LPIN1: variants seen among roughly 807,000 people sequenced by gnomAD.
LPIN1 encodes phosphatidate phosphatase LPIN1.
A neutral mutation model predicts 107.5 loss-of-function variants in LPIN1; 71 were observed. The ratio of observed to expected loss-of-function variants is 0.66; its 90% CI spans 0.55 to 0.80. The LOEUF is 0.80. LPIN1 is among the 30% of genes least tolerant of loss of function. The pLI is 0.00. For synonymous variants in LPIN1, 445 were observed against 452.6 expected (o/e 0.98, Z 0.21); for missense variants, 1,043 against 1,160.6 (o/e 0.90, Z 1.47).
chr2:11,687,945 C>T (rs1662090262), intron 1 of LPIN1, among the ~76,000 whole-genome samples: 1 of 152,380 alleles, frequency 6.6e-6, no homozygotes, highest in South Asian at 2.1e-4. Flanking sequence ...CTTGACTCAT[C>T]ACGCCCTCCG....
At chr2:11,751,653 C>A (rs1667806463) in intron 1 of LPIN1, among the ~76,000 whole-genome samples, 1 of 152,162 alleles carries the variant, frequency 6.6e-6, no homozygotes, top group South Asian at 2.1e-4. Context: ...GAGATCAAGA[C>A]CATCCTGGCT....
intron 14 of LPIN1, among the ~76,000 whole-genome samples, chr2:11,801,093 GAC>G (rs1411890385): frequency 6.6e-6 from 1 of 152,148 alleles, no homozygotes; most frequent in African/African-American, 2.4e-5. Context: ...TTATCAAAAA[GAC>G]AAAAAATAAC....
In LPIN1 at chr2:11,773,623, T is replaced by G. The variant is rs1228029893; in HGVS notation, c.600T>G (p.Thr200=). The change falls in exon 5 of 21, where the codon ACT becomes ACG. Residue 200 remains threonine, a synonymous_variant. Coordinates refer to ENST00000674199, the MANE Select transcript of LPIN1 (RefSeq NM_001349206.2). ...AATCTTTTTTTTTTTCCTCCAGAAC[T>G]CTTCCTAATGATATACCTCCATTCC... ...EAMELLESSR[T]LPNDIPPFQD... is the part of the protein sequence containing the mutation. The G allele has an allele frequency of 6.2e-7, 1 of 1,607,826 alleles. No homozygotes were observed. The highest frequency in any genetic ancestry group is 8.5e-7 in the Non-Finnish European group (1 of 1,174,570).
intron 1 of LPIN1, among the ~76,000 whole-genome samples, chr2:11,755,974 G>T (rs977900337): frequency 7.2e-5 from 11 of 152,146 alleles, no homozygotes; most frequent in Admixed American, 7.2e-4. Context: ...GCCCGCCTTG[G>T]CCTCCCAAAG....
rs2148703208 is a variant in LPIN1, at chr2:11,805,097, C to T, written c.2190C>T (p.Pro730=). The T allele has an allele frequency of 6.2e-7, 1 of 1,613,612 alleles. No homozygotes were observed. Among genetic ancestry groups the T allele is most frequent in the Non-Finnish European group, 8.5e-7 (1 of 1,179,690 alleles). ...CAGATACTCTTGGCCACATTTTGCC[C>T]ACCCTTGGGAAGGATTGGACCCATC... ...TRSDTLGHIL[P]TLGKDWTHQG... The change falls in exon 17 of 21, where the codon CCC becomes CCT. Residue 730 remains proline, a synonymous_variant. Transcript: ENST00000674199.
At chr2:11,749,299 G>A (rs902228213) in intron 1 of LPIN1, among the ~76,000 whole-genome samples, 2 of 152,118 alleles carry the variant, frequency 1.3e-5, no homozygotes, top group Admixed American at 6.5e-5. Flanking sequence ...CCTGTGTGTC[G>A]AGGGGACACA....
At position 11,782,223 on chromosome 2, in the gene LPIN1, A is replaced by G. The variant is rs778765378; in HGVS notation, c.980A>G (p.Lys327Arg). 6.2e-7 allele frequency: 1 copy of G among 1,614,054 alleles called. No homozygotes were observed. Among genetic ancestry groups the G allele is most frequent in the East Asian group, 2.2e-5 (1 of 44,882 alleles). Residue 327 changes from lysine to arginine, a missense_variant, in exon 8 of 21, where the codon AAA becomes AGA. Physicochemically the swap from Lys to Arg is conservative, Grantham distance 26 (BLOSUM62 2). Coordinates refer to ENST00000674199, the MANE Select transcript of LPIN1 (RefSeq NM_001349206.2). ...TAGTCTTCTTCTCCACACAAGATGA[A>G]AGAGTCCAGCCCATTGAGCAGTAGA... ...AAKSSSPHKM[K>R]ESSPLSSRKI... is the part of the protein sequence containing the mutation.
intron 2 of LPIN1, among the ~76,000 whole-genome samples, chr2:11,716,396 C>T (rs953475930): frequency 6.6e-6 from 1 of 152,118 alleles, no homozygotes; most frequent in Non-Finnish European, 1.5e-5. Context: ...TCTCTCTCCT[C>T]CTGCTCTCCC....
At chr2:11,805,567 A>G in intron 17 of LPIN1, 1 of 325,368 alleles carries the variant, frequency 3.1e-6, no homozygotes, top group Non-Finnish European at 6.0e-6. Flanking sequence ...GCGGCGTTGC[A>G]GACCCTGCGA....
At chr2:11,779,486 C>A in intron 6 of LPIN1, 33 bp from the exon 7 acceptor site, 1 of 1,610,982 alleles carries the variant, frequency 6.2e-7, no homozygotes, top group Non-Finnish European at 8.5e-7. Flanking sequence ...GTTTCTTTTC[C>A]CACCTTAATT....
upstream of LPIN1, among the ~76,000 whole-genome samples, chr2:11,744,301 C>A (rs1209254262): frequency 6.6e-6 from 1 of 152,268 alleles, no homozygotes; most frequent in Non-Finnish European, 1.5e-5. Context: ...GATAGCACAG[C>A]CAAGGGCCCT....
In LPIN1 at chr2:11,773,600, TC is replaced by T; in HGVS notation, c.597-19del. 6.3e-7 allele frequency: 1 copy of T among 1,592,534 alleles called. No homozygotes were observed. The highest frequency in any genetic ancestry group is 1.3e-5 in the African/African-American group (1 of 74,486). On this transcript the variant is annotated intron_variant, in intron 4 of 20. Transcript: ENST00000674199. ...ATCATTAAGAATTCTTTGACTTTAA[TC>T]TTTTTTTTTTTCCTCCAGAACTCTT...
At position 11,799,648 on chromosome 2, in the gene LPIN1, A is replaced by G. The variant is rs1315633556; in HGVS notation, c.1887-3259A>G. Among the ~76,000 whole-genome samples, 3 of 152,058 alleles carry G rather than the reference A, an allele frequency of 2.0e-5. No homozygotes were observed. The East Asian group carries it at 5.8e-4, about 29-fold the overall frequency. ...ATCAGGTCATTTTACAGATGAGCCC[A>G]CTGAGGCCCAGGGAGGAATTTCCTA... is the stretch of plus-strand genomic sequence containing the variant. On this transcript the variant is annotated intron_variant, in intron 14 of 20. Coordinates refer to ENST00000674199, the MANE Select transcript of LPIN1 (RefSeq NM_001349206.2).
At chr2:11,759,729 G>A (rs1572627045) in intron 1 of LPIN1, among the ~76,000 whole-genome samples, 3 of 152,300 alleles carry the variant, frequency 2.0e-5, no homozygotes, top group Middle Eastern at 6.8e-3. Context: ...GCCGGGCAGA[G>A]GGGCTCCTCA....
intron 1 of LPIN1, among the ~76,000 whole-genome samples, chr2:11,692,365 G>T (rs1042616838): frequency 3.3e-5 from 5 of 152,216 alleles, no homozygotes; most frequent in African/African-American, 1.2e-4. Flanking sequence ...CTGCACTTGG[G>T]TGGCGTCATC....
intron 1 of LPIN1, among the ~76,000 whole-genome samples, chr2:11,736,659 C>T (rs1035945048): frequency 6.6e-6 from 1 of 152,192 alleles, no homozygotes; most frequent in African/African-American, 2.4e-5. Flanking sequence ...TAGATTCATC[C>T]GGTATACACT....
In LPIN1 at chr2:11,684,892, A is replaced by C. The variant is rs1661920560; in HGVS notation, c.81+7164A>C. ...TCTAGTAATAAATATTCACTAGGCG[A>C]CACTGTGGCCGGCACTCTTCTAAGC... On this transcript the variant is annotated intron_variant, in intron 1 of 21. Coordinates refer to the LPIN1 transcript ENST00000449576. 2.0e-5 allele frequency among the ~76,000 whole-genome samples: 3 copies of C among 152,162 alleles called. No individual in the cohort carries two copies. The South Asian group carries it at 6.2e-4, about 31-fold the overall frequency.
chr2:11,731,176 G>T (rs1159894767), intron 1 of LPIN1, among the ~76,000 whole-genome samples: 1 of 152,110 alleles, frequency 6.6e-6, no homozygotes, highest in Non-Finnish European at 1.5e-5. Flanking sequence ...CCGTTATCTA[G>T]GTTTAAGCCC....
intron 1 of LPIN1, among the ~76,000 whole-genome samples, chr2:11,728,622 G>A (rs993008127): frequency 6.6e-6 from 1 of 152,096 alleles, no homozygotes; most frequent in African/African-American, 2.4e-5. Context: ...CTGAGCTCAA[G>A]CCGTCTGCCT....
Sources: gnomAD v4.1 joint callset for allele counts (sites outside exome capture counted in the v4.1 genomes callset) on GRCh38, gnomAD v4.1.1 for gene constraint, MANE v1.5 for transcripts, NCBI Gene and HGNC (gene_info 2026-07-23, HGNC 2026-07-21) for gene names.